The following SLC14A2 variants were observed in gnomAD, a reference collection of about 807,000 sequenced individuals.
SLC14A2 encodes the protein urea transporter 2.
A neutral mutation model predicts 104.6 loss-of-function variants in SLC14A2; 91 were observed. That is an observed-to-expected ratio of 0.87 (90% CI 0.73 to 1.04). The LOEUF (loss-of-function observed/expected upper bound fraction) is 1.04. SLC14A2 is among the 50% of genes least tolerant of loss of function. SLC14A2 has a pLI of 0.00. For missense variants in SLC14A2, 1,189 were observed against 1,156.0 expected (o/e 1.03, Z -0.41); for synonymous variants, 476 against 466.4 (o/e 1.02, Z -0.27).
chr18:45,186,790 C>T, the SLC14A2 span, among the ~76,000 whole-genome samples: 1 of 152,164 alleles, frequency 6.6e-6, no homozygotes, highest in Non-Finnish European at 1.5e-5. Flanking sequence ...TGGGTGTAAC[C>T]TACTGTGAGA....
chr18:45,606,103 A>T (rs557189461), intron 2 of SLC14A2, among the ~76,000 whole-genome samples: 5 of 152,286 alleles, frequency 3.3e-5, no homozygotes, highest in Non-Finnish European at 7.4e-5. Context: ...AGTTGGGGGA[A>T]GGAGAAACAG....
intron 10 of SLC14A2, among the ~76,000 whole-genome samples, chr18:45,650,693 GC>G (rs1240759887): frequency 6.6e-6 from 1 of 152,162 alleles, no homozygotes; most frequent in Non-Finnish European, 1.5e-5. Flanking sequence ...GACTGCCTGA[GC>G]CCACTGAAAT....
chr18:45,246,564 T>TTTGTTG lies in SLC14A2; in HGVS notation c.-125+33391_-125+33396dup, dbSNP rs147782673. On this transcript the variant is annotated intron_variant, in intron 1 of 20. Transcript: ENST00000586448. ...CTAACATTGCAGAGTAGAAATAACT[T>TTTGTTG]TTGTTGTTGTTGTTGTTGTTGTTTT... Among the ~76,000 whole-genome samples the TTTGTTG allele has an allele frequency of 3.3e-5, 5 of 152,034 alleles. No individual in the cohort carries two copies. In the East Asian group the frequency reaches 5.8e-4, roughly 18 times the overall value.
intron 1 of SLC14A2, among the ~76,000 whole-genome samples, chr18:45,472,943 TC>T (rs1247350275): frequency 6.6e-6 from 1 of 152,214 alleles, no homozygotes; most frequent in Non-Finnish European, 1.5e-5. Flanking sequence ...AGTCATGAAG[TC>T]TTTGCCCATG....
chr18:45,666,933 A>G lies in SLC14A2; in HGVS notation c.1558-2A>G, dbSNP rs1201977571. The G allele has an allele frequency of 6.2e-7, 1 of 1,613,416 alleles. No homozygotes were observed. Among genetic ancestry groups the G allele is most frequent in the African/African-American group, 1.3e-5 (1 of 74,926 alleles). ...ACTCTTGCCTATCTCTGTCCTGGAC[A>G]GGATCTGGACACCATGGAGGAGAGC... On this transcript the variant is annotated splice_acceptor_variant, in intron 12 of 19. Transcript: ENST00000255226. LOFTEE classifies it high-confidence loss of function.
intron 1 of SLC14A2, 106 bp from the exon 2 acceptor site, chr18:45,624,525 T>C: frequency 2.9e-6 from 2 of 687,296 alleles, no homozygotes; most frequent in Non-Finnish European, 4.7e-6. Flanking sequence ...CCCACGTGTG[T>C]CACTGTCCAA....
intron 2 of SLC14A2, among the ~76,000 whole-genome samples, chr18:45,598,463 G>C (rs1036469475): frequency 2.0e-5 from 3 of 152,028 alleles, no homozygotes; most frequent in African/African-American, 7.2e-5. Flanking sequence ...ACTGGCGAGG[G>C]TCCTAGACGC....
At chr18:45,172,191 G>A in the SLC14A2 span, among the ~76,000 whole-genome samples, 12 of 152,230 alleles carry the variant, frequency 7.9e-5, no homozygotes, top group East Asian at 1.9e-3. Flanking sequence ...CCTAGCAGTA[G>A]CTCATGTGAC....
chr18:45,578,082 C>G (rs13381632), intron 2 of SLC14A2, among the ~76,000 whole-genome samples: 1 of 152,070 alleles, frequency 6.6e-6, no homozygotes, highest in Admixed American at 6.5e-5. Context: ...TGTGTACCCC[C>G]TTCCCCTAGA....
the SLC14A2 span, among the ~76,000 whole-genome samples, chr18:45,197,449 A>C: frequency 6.6e-6 from 1 of 152,184 alleles, no homozygotes; most frequent in Non-Finnish European, 1.5e-5. Context: ...AGCTCTATAA[A>C]CAAGGAAGAT....
chr18:45,320,882 C>A (rs928077867), intron 1 of SLC14A2, among the ~76,000 whole-genome samples: 1 of 152,186 alleles, frequency 6.6e-6, no homozygotes, highest in African/African-American at 2.4e-5. Flanking sequence ...TCTAAAAGTG[C>A]CTTTGAACTC....
intron 2 of SLC14A2, among the ~76,000 whole-genome samples, chr18:45,512,295 G>A (rs1200156047): frequency 6.6e-6 from 1 of 152,112 alleles, no homozygotes; most frequent in African/African-American, 2.4e-5. Flanking sequence ...CAGGAATTAG[G>A]AGTGAACCAG....
chr18:45,508,351 T>C (rs2043314880), intron 2 of SLC14A2, among the ~76,000 whole-genome samples: 2 of 152,228 alleles, frequency 1.3e-5, no homozygotes, highest in South Asian at 4.1e-4. Flanking sequence ...CATTAAATCA[T>C]GAGAGCAGGT....
chr18:45,513,341 C>T (rs2043393999), intron 2 of SLC14A2, among the ~76,000 whole-genome samples: 1 of 152,182 alleles, frequency 6.6e-6, no homozygotes, highest in Non-Finnish European at 1.5e-5. Flanking sequence ...GAGAAACATT[C>T]ATTTTAAGCC....
chr18:45,584,466 C>G (rs957481372), intron 2 of SLC14A2, among the ~76,000 whole-genome samples: 1 of 152,156 alleles, frequency 6.6e-6, no homozygotes, highest in Non-Finnish European at 1.5e-5. Flanking sequence ...CAGTTTTTTT[C>G]TCTGCACCAT....
At chr18:45,174,342 G>T in the SLC14A2 span, among the ~76,000 whole-genome samples, 1 of 151,980 alleles carries the variant, frequency 6.6e-6, no homozygotes, top group Non-Finnish European at 1.5e-5. Context: ...TGGTTGTAAG[G>T]GTAATTCCTC....
intron 1 of SLC14A2, among the ~76,000 whole-genome samples, chr18:45,282,255 C>G (rs2084769978): frequency 6.6e-6 from 1 of 152,118 alleles, no homozygotes; most frequent in African/African-American, 2.4e-5. Context: ...CCTAAAGAGT[C>G]AACTGTGAGT....
At chr18:45,529,406 T>C (rs1382239022) in intron 2 of SLC14A2, 1 of 152,160 alleles carries the variant, frequency 6.6e-6, no homozygotes, top group East Asian at 1.9e-4. Context: ...AGACAGAAGT[T>C]GTGGTTCCTA....
At chr18:45,532,331 G>A (rs2043706644) in intron 2 of SLC14A2, among the ~76,000 whole-genome samples, 1 of 152,156 alleles carries the variant, frequency 6.6e-6, no homozygotes, top group Non-Finnish European at 1.5e-5. Flanking sequence ...TCCTACCAAT[G>A]AGCATGGAAT....
Sources: allele counts gnomAD v4.1 joint callset (sites outside exome capture counted in the v4.1 genomes callset), GRCh38; gene constraint gnomAD v4.1.1; transcripts MANE v1.5; gene names NCBI Gene and HGNC (gene_info 2026-07-23, HGNC 2026-07-21).